The following SLC35F1 variants were observed in gnomAD, a reference collection of about 807,000 sequenced individuals.
SLC35F1 encodes chromosome 6 open reading frame 169.
A neutral mutation model predicts 48.7 loss-of-function variants in SLC35F1; 14 were observed. The observed-to-expected ratio is 0.29, with a 90% CI of 0.19 to 0.45. The LOEUF (loss-of-function observed/expected upper bound fraction) is 0.45. Among genes scored for constraint, SLC35F1 ranks in the 20% least tolerant of loss-of-function variants. The probability of loss-of-function intolerance (pLI) is 1.00; values close to 1 mark genes in which losing one functional copy is unlikely to be tolerated. For synonymous variants in SLC35F1, 190 were observed against 202.2 expected (o/e 0.94, Z 0.51); for missense variants, 404 against 500.0 (o/e 0.81, Z 1.83).
intron 1 of SLC35F1, among the ~76,000 whole-genome samples, chr6:118,016,333 C>T (rs781315409): frequency 4.6e-5 from 7 of 152,134 alleles, no homozygotes; most frequent in Admixed American, 6.6e-5. Context: ...TTGGGGCAAA[C>T]GGCATGCCAA....
intron 1 of SLC35F1, among the ~76,000 whole-genome samples, chr6:118,023,814 G>A (rs1777429278): frequency 6.6e-6 from 1 of 152,184 alleles, no homozygotes; most frequent in African/African-American, 2.4e-5. Flanking sequence ...CTGTCTGAAT[G>A]CCGACTTCTT....
chr6:118,211,041 T>G (rs901303451), intron 2 of SLC35F1, among the ~76,000 whole-genome samples: 1 of 152,150 alleles, frequency 6.6e-6, no homozygotes, highest in Non-Finnish European at 1.5e-5. Context: ...AAAGAAGGGA[T>G]TAGAACACGA....
intron 1 of SLC35F1, among the ~76,000 whole-genome samples, chr6:118,094,879 A>G (rs533259561): frequency 6.6e-6 from 1 of 151,816 alleles, no homozygotes; most frequent in Admixed American, 6.6e-5. Flanking sequence ...GAGGTAGGAG[A>G]GTCACTTGAA....
At chr6:118,085,159 C>G (rs915084069) in intron 1 of SLC35F1, among the ~76,000 whole-genome samples, 1 of 152,098 alleles carries the variant, frequency 6.6e-6, no homozygotes, top group Admixed American at 6.5e-5. Flanking sequence ...TGCCAAGACT[C>G]TCCTAGAATT....
At chr6:118,005,323 G>A (rs1459418181) in intron 1 of SLC35F1, among the ~76,000 whole-genome samples, 1 of 152,042 alleles carries the variant, frequency 6.6e-6, no homozygotes, top group Non-Finnish European at 1.5e-5. Context: ...AAATTGTGGG[G>A]GCCATTGAAC....
At chr6:118,263,283 T>C (rs993161594) in intron 3 of SLC35F1, among the ~76,000 whole-genome samples, 3 of 152,142 alleles carry the variant, frequency 2.0e-5, no homozygotes, top group African/African-American at 7.2e-5. Context: ...CTCGAACTCC[T>C]GACCTCAAGT....
At chr6:118,179,643 A>G (rs1385398724) in intron 2 of SLC35F1, among the ~76,000 whole-genome samples, 1 of 152,138 alleles carries the variant, frequency 6.6e-6, no homozygotes, top group Non-Finnish European at 1.5e-5. Context: ...TGACCATCAC[A>G]GATTTCAATT....
chr6:118,207,952 A>G (rs988280004), intron 2 of SLC35F1, among the ~76,000 whole-genome samples: 9 of 152,242 alleles, frequency 5.9e-5, no homozygotes, highest in African/African-American at 1.9e-4. Context: ...GATTGGGGCG[A>G]TGATTTCTGT....
rs532257750 is a variant in SLC35F1 at position 118,034,218 on chromosome 6, A to C, written c.174-120227A>C. 1.4e-4 allele frequency among the ~76,000 whole-genome samples: 21 copies of C among 152,238 alleles called. No homozygotes were observed. In the Middle Eastern group the frequency reaches 0.01, roughly 74 times the overall value. On this transcript the variant is annotated intron_variant, in intron 1 of 7. Transcript: ENST00000360388. Reference sequence around the variant, plus strand: ...TTACTTTTTTTTAAAACATCTTAAAAATATAAAACCTGTTCTTAGCATACA... The same window carrying C: ...TTACTTTTTTTTAAAACATCTTAAACATATAAAACCTGTTCTTAGCATACA...
At chr6:118,072,672 C>T (rs1772752682) in intron 1 of SLC35F1, among the ~76,000 whole-genome samples, 1 of 152,054 alleles carries the variant, frequency 6.6e-6, no homozygotes, top group African/African-American at 2.4e-5. Context: ...ATATTGGAGG[C>T]TTCCTTTGGT....
At position 118,281,204 on chromosome 6, in the gene SLC35F1, C is replaced by CTATATA. The variant is rs1554244292; in HGVS notation, c.847+3671_847+3676dup. 7.4e-3 allele frequency among the ~76,000 whole-genome samples: 962 copies of CTATATA among 130,414 alleles called. 6 individuals carry two copies. The highest frequency in any genetic ancestry group is 0.025 in the Middle Eastern group (6 of 238). The allele number at this position is 130,414 out of a possible 152,430, so 85.6% of individuals were successfully genotyped here. A position where few individuals can be genotyped will look rare whatever the true frequency, so the allele number is the denominator to read the frequency against. ...TCTCTCTCTCTCTCTCTCTCTCTCT[C>CTATATA]TATATATATATATATATAAAATATT... is the stretch of plus-strand genomic sequence containing the variant. On this transcript the variant is annotated intron_variant, in intron 6 of 7. Transcript: ENST00000360388.
At chr6:118,175,221 C>T (rs1240591393) in intron 2 of SLC35F1, among the ~76,000 whole-genome samples, 5 of 152,036 alleles carry the variant, frequency 3.3e-5, no homozygotes, top group Admixed American at 6.6e-5. Flanking sequence ...AAAGTCAAAG[C>T]CTCAATTTTC....
intron 2 of SLC35F1, among the ~76,000 whole-genome samples, chr6:118,192,589 A>G (rs1774746798): frequency 6.6e-6 from 1 of 152,176 alleles, no homozygotes; most frequent in Non-Finnish European, 1.5e-5. Flanking sequence ...AAATTTGGTT[A>G]TTTCTGTGGT....
intron 1 of SLC35F1, among the ~76,000 whole-genome samples, chr6:118,055,360 T>C (rs1031916134): frequency 1.3e-5 from 2 of 152,186 alleles, no homozygotes; most frequent in Admixed American, 1.3e-4. Flanking sequence ...TCTTGGCAAA[T>C]TATTTAGTCA....
intron 1 of SLC35F1, among the ~76,000 whole-genome samples, chr6:118,054,505 CA>C (rs1344240563): frequency 1.3e-5 from 2 of 152,154 alleles, no homozygotes; most frequent in Non-Finnish European, 1.5e-5. Context: ...GGCACAATTA[CA>C]AACTGGGATT....
Position 117,971,974 on chromosome 6 carries a change from C to T in SLC35F1, c.173+64075C>T, listed in dbSNP as rs147989092. Among the ~76,000 whole-genome samples, 16 of 152,362 alleles carry T rather than the reference C, an allele frequency of 1.1e-4. No homozygotes were observed. The East Asian group carries it at 2.9e-3, about 28-fold the overall frequency. On this transcript the variant is annotated intron_variant, in intron 1 of 7. Transcript: ENST00000360388. ...AACATTTGGCTCTTCATTACTTTTG[C>T]AAATTTCTCCAGCTGGCTTGAATTT...
chr6:117,924,419 A>T (rs557355456), intron 1 of SLC35F1, among the ~76,000 whole-genome samples: 33 of 116,794 alleles, frequency 2.8e-4, no homozygotes, highest in African/African-American at 1.1e-3. Flanking sequence ...ATATGTATAT[A>T]TACACATACG....
At chr6:118,069,759 A>T (rs1180517293) in intron 1 of SLC35F1, among the ~76,000 whole-genome samples, 4 of 152,190 alleles carry the variant, frequency 2.6e-5, no homozygotes, top group African/African-American at 9.7e-5. Context: ...AGAACGTAAA[A>T]ATGAACTTTG....
chr6:118,066,675 G>C (rs1016347964), intron 1 of SLC35F1, among the ~76,000 whole-genome samples: 4 of 150,916 alleles, frequency 2.7e-5, no homozygotes, highest in African/African-American at 9.7e-5. Flanking sequence ...GCAAGAGAAA[G>C]ACTAATACAA....
Sources: gnomAD v4.1 joint callset for allele counts (sites outside exome capture counted in the v4.1 genomes callset) on GRCh38, gnomAD v4.1.1 for gene constraint, MANE v1.5 for transcripts, NCBI Gene and HGNC (gene_info 2026-07-23, HGNC 2026-07-21) for gene names.